The following CELSR1 variants were observed in gnomAD, a reference collection of about 807,000 sequenced individuals.
The protein encoded by CELSR1 is cadherin EGF LAG seven-pass G-type receptor 1.
A neutral mutation model predicts 249.1 loss-of-function variants in CELSR1; 110 were observed. The ratio of observed to expected loss-of-function variants is 0.44; its 90% CI spans 0.38 to 0.52. The LOEUF (loss-of-function observed/expected upper bound fraction) is 0.52, where lower values mean the gene tolerates loss of function less well. CELSR1 is among the 20% of genes least tolerant of loss of function. The pLI is 0.00. For synonymous variants in CELSR1, 2,113 were observed against 1,900.0 expected, an observed-to-expected ratio of 1.11 and a Z score of -2.92; for missense variants, 4,109 against 4,296.4, an observed-to-expected ratio of 0.96 and a Z score of 1.22.
rs1448930702 is a variant in CELSR1 at position 46,537,001 on chromosome 22, G to T, written c.170C>A (p.Thr57Lys). The T allele has an allele frequency of 2.7e-6, 3 of 1,113,640 alleles. No individual in the cohort carries two copies. The highest frequency in any genetic ancestry group is 1.1e-4 in the East Asian group (2 of 17,984). 69.0% of individuals were successfully genotyped at this position (1,113,640 alleles called of 1,614,324 possible). Reference sequence around the variant, plus strand: ...CAGCAGCTCCCGCGGCGCCCGGGGCGTGCAAGCGGCGCCCACCGCGTAGGT... The same window carrying T: ...CAGCAGCTCCCGCGGCGCCCGGGGCTTGCAAGCGGCGCCCACCGCGTAGGT... ...GCTYAVGAACTPRAPRELLDV... is the reference protein window; with the variant it reads ...GCTYAVGAACKPRAPRELLDV... The change falls in exon 1 of 35, where the codon ACG becomes AAG. Residue 57 changes from threonine to lysine, a missense_variant. Coordinates refer to ENST00000674500, the MANE Select transcript of CELSR1 (RefSeq NM_001378328.1). This position sits in a 1 kb window ranked among gnomAD's most constrained non-coding sequence, Gnocchi z 5.8.
chr22:46,373,659 G>A, intron 24 of CELSR1, among the ~76,000 whole-genome samples: 1 of 132,690 alleles, frequency 7.5e-6, no homozygotes, highest in Admixed American at 7.1e-5. Context: ...ATGGGGAGAT[G>A]GGGGAGAAGG....
rs562489963 is a variant in CELSR1 at position 46,431,280 on chromosome 22, G to A, written c.4611+2113C>T. Among the ~76,000 whole-genome samples, 11 of 152,340 alleles carry A rather than the reference G, an allele frequency of 7.2e-5. No individual in the cohort carries two copies. The East Asian group carries it at 1.2e-3, about 16-fold the overall frequency. On this transcript the variant is annotated intron_variant, in intron 5 of 34. Coordinates refer to ENST00000674500, the MANE Select transcript of CELSR1 (RefSeq NM_001378328.1). ...CACTCACTGTGTTCAGAGCCAGGGC[G>A]GAGTGTGGACAGAGGTGGCCACAGT...
intron 1 of CELSR1, among the ~76,000 whole-genome samples, chr22:46,505,775 T>C (rs1358802142): frequency 4.6e-5 from 7 of 152,236 alleles, no homozygotes; most frequent in Non-Finnish European, 1.5e-5. Context: ...TTTGCTACTT[T>C]ATGCACCTCT....
At position 46,380,578 on chromosome 22, in the gene CELSR1, T is replaced by C. The variant is rs1211287774; in HGVS notation, c.7256+210A>G. Among the ~76,000 whole-genome samples the C allele has an allele frequency of 6.6e-6, 1 of 152,218 alleles. No homozygotes were observed. The highest frequency in any genetic ancestry group is 1.5e-5 in the Non-Finnish European group (1 of 68,034). ...ATCTGTATCTCCACGTGCAGGTCTG[T>C]GTGCATCTGTGTGTGGACATCTAGG... is the stretch of plus-strand genomic sequence containing the variant. On this transcript the variant is annotated intron_variant, in intron 22 of 34. Transcript: ENST00000674500. This position sits in a 1 kb window ranked among gnomAD's most constrained non-coding sequence, Gnocchi z 5.1.
At chr22:46,439,903 G>GCCA (rs2079722813) in intron 2 of CELSR1, among the ~76,000 whole-genome samples, 1 of 152,062 alleles carries the variant, frequency 6.6e-6, no homozygotes, top group Non-Finnish European at 1.5e-5. Context: ...TTCTGAGCAG[G>GCCA]CCACCTGCCC....
intron 26 of CELSR1, 106 bp from the exon 27 acceptor site, chr22:46,369,364 T>A: frequency 1.0e-6 from 1 of 975,298 alleles, no homozygotes; most frequent in Non-Finnish European, 1.6e-6. Context: ...GGTGGCTGGG[T>A]GAGGAGGACC....
At chr22:46,369,144 G>A (rs536556243) in intron 27 of CELSR1, 35 bp downstream of exon 27, 34 of 1,602,044 alleles carry the variant, frequency 2.1e-5, no homozygotes, top group South Asian at 4.4e-5. Context: ...GGGCCCAGCC[G>A]ACATGGCTGG....
intron 5 of CELSR1, among the ~76,000 whole-genome samples, chr22:46,414,822 A>T (rs2079380798): frequency 6.6e-6 from 1 of 152,206 alleles, no homozygotes; most frequent in Non-Finnish European, 1.5e-5. Context: ...CTCAAAAACC[A>T]GTTCATGAGT....
chr22:46,373,314 G>A (rs1369764577), intron 24 of CELSR1, among the ~76,000 whole-genome samples: 1 of 152,098 alleles, frequency 6.6e-6, no homozygotes, highest in Admixed American at 6.5e-5. Flanking sequence ...ATGACAGAGA[G>A]AGACTAGTCT....
At chr22:46,514,385 T>C (rs2080605107) in intron 1 of CELSR1, among the ~76,000 whole-genome samples, 3 of 152,048 alleles carry the variant, frequency 2.0e-5, no homozygotes, top group South Asian at 4.2e-4. Context: ...CACCCAGACG[T>C]TTCACCAGGC....
chr22:46,456,354 ACT>A (rs2079948992), intron 2 of CELSR1, among the ~76,000 whole-genome samples: 1 of 152,118 alleles, frequency 6.6e-6, no homozygotes, highest in Admixed American at 6.6e-5. Flanking sequence ...AAAGCCCATG[ACT>A]CTGATAAGAG....
Position 46,534,427 on chromosome 22 carries a change from G to T in CELSR1, c.2744C>A (p.Ser915Tyr). ...GGGACCTGAGTCCCGGTCCGTGGCAGAGACCTGGAGGATGCTGGTCGAGGG... is the reference window on the plus strand; with the variant it reads ...GGGACCTGAGTCCCGGTCCGTGGCATAGACCTGGAGGATGCTGGTCGAGGG... ...APPSTSILQV[S>Y]ATDRDSGPNG... The change falls in exon 1 of 35, where the codon TCT becomes TAT. Residue 915 changes from serine to tyrosine, a missense_variant. Coordinates refer to ENST00000674500, the MANE Select transcript of CELSR1 (RefSeq NM_001378328.1). The surrounding 1 kb of genome is among the most constrained non-coding windows in gnomAD (Gnocchi z 9.7). The T allele has an allele frequency of 6.2e-7, 1 of 1,612,962 alleles. No individual in the cohort carries two copies. The highest frequency in any genetic ancestry group is 8.5e-7 in the Non-Finnish European group (1 of 1,180,020).
At position 46,535,077 on chromosome 22, in the gene CELSR1, C is replaced by T. The variant is rs755552657; in HGVS notation, c.2094G>A (p.Glu698=). The T allele has an allele frequency of 6.8e-6, 11 of 1,612,340 alleles. No homozygotes were observed. Among genetic ancestry groups the T allele is most frequent in the Middle Eastern group, 1.6e-4 (1 of 6,084 alleles). Residue 698 remains glutamate, a synonymous_variant, in exon 1 of 35, where the codon GAG becomes GAA. Coordinates refer to ENST00000674500, the MANE Select transcript of CELSR1 (RefSeq NM_001378328.1). ...GCACGCTGCTCCCCACGGCCGCATC[C>T]TCATTCAGACGAAGCTCGTAGGTGG... ...TQPTYELRLN[E]DAAVGSSVLT... is the part of the protein sequence containing the mutation.
In CELSR1 at chr22:46,506,511, T is replaced by A. The variant is rs1273789261; in HGVS notation, c.3544+27116A>T. On this transcript the variant is annotated intron_variant, in intron 1 of 34. Coordinates refer to ENST00000674500, the MANE Select transcript of CELSR1 (RefSeq NM_001378328.1). The surrounding 1 kb of genome is among the most constrained non-coding windows in gnomAD (Gnocchi z 4.1). ...CCGGCCCTGCCTCAGGTCTGCGTTC[T>A]GCCAGCCTCAGCCCCAGCCCCAGCC... is the stretch of plus-strand genomic sequence containing the variant. Among the ~76,000 whole-genome samples the A allele has an allele frequency of 6.6e-6, 1 of 152,218 alleles. No individual in the cohort carries two copies. The highest frequency in any genetic ancestry group is 1.5e-5 in the Non-Finnish European group (1 of 68,034).
intron 25 of CELSR1, among the ~76,000 whole-genome samples, chr22:46,370,768 C>G (rs1344411913): frequency 6.6e-6 from 1 of 152,254 alleles, no homozygotes; most frequent in Non-Finnish European, 1.5e-5. Flanking sequence ...TGAGGACAGT[C>G]AGGGAAGCCC....
chr22:46,389,468 A>C lies in CELSR1; in HGVS notation c.6377T>G (p.Val2126Gly). 6.2e-7 allele frequency: 1 copy of C among 1,613,322 alleles called. No individual in the cohort carries two copies. Among genetic ancestry groups the C allele is most frequent in the South Asian group, 1.1e-5 (1 of 91,082 alleles). Residue 2126 changes from valine to glycine, a missense_variant, in exon 18 of 35, where the codon GTG becomes GGG. Val to Gly is a moderately radical substitution (Grantham distance 109). Coordinates refer to ENST00000674500, the MANE Select transcript of CELSR1 (RefSeq NM_001378328.1). ...CAGCTGCAGGGCCCTGGCGCCGTCC[A>C]CCTGCGTCTCATTGCGGCTCAGCTT... is the stretch of plus-strand genomic sequence containing the variant. ...NEKLSRNETQ[V>G]DGARALQLVR...
chr22:46,511,139 T>C (rs561609639), intron 1 of CELSR1, among the ~76,000 whole-genome samples: 30 of 133,838 alleles, frequency 2.2e-4, no homozygotes, highest in African/African-American at 4.2e-4. Context: ...CACACACACA[T>C]ACACTCACAA....
At chr22:46,486,855 TTAAAA>T (rs1160424347) in intron 1 of CELSR1, among the ~76,000 whole-genome samples, 16 of 151,742 alleles carry the variant, frequency 1.1e-4, no homozygotes, top group Non-Finnish European at 2.9e-5. Context: ...AACAAAAAAA[TTAAAA>T]TAAAGTCATG....
At position 46,490,045 on chromosome 22, in the gene CELSR1, C is replaced by T. The variant is rs1365229378; in HGVS notation, c.3545-25700G>A. Among the ~76,000 whole-genome samples, 1 of 152,200 alleles carries T rather than the reference C, an allele frequency of 6.6e-6. No homozygotes were observed. Among genetic ancestry groups the T allele is most frequent in the Non-Finnish European group, 1.5e-5 (1 of 68,038 alleles). On this transcript the variant is annotated intron_variant, in intron 1 of 34. Transcript: ENST00000674500. This position sits in a 1 kb window ranked among gnomAD's most constrained non-coding sequence, Gnocchi z 5.2. ...CCGCCCCTGCAGTGGGAACACCTAACGTGGCCACCCCACAGGGCTGCACAG... is the reference window on the plus strand; with the variant it reads ...CCGCCCCTGCAGTGGGAACACCTAATGTGGCCACCCCACAGGGCTGCACAG...
Sources: allele counts gnomAD v4.1 joint callset (sites outside exome capture counted in the v4.1 genomes callset), GRCh38; gene constraint gnomAD v4.1.1; non-coding constraint Gnocchi (gnomAD v3.1); transcripts MANE v1.5; gene names NCBI Gene and HGNC (gene_info 2026-07-23, HGNC 2026-07-21).